The following PRKCA variants were observed in gnomAD, a reference collection of about 807,000 sequenced individuals.
The protein encoded by PRKCA is protein kinase C alpha type.
In PRKCA, 27 loss-of-function variants were observed where a neutral mutation model predicts 87.0. That is an observed-to-expected ratio of 0.31 (90% CI 0.23 to 0.43). The LOEUF (loss-of-function observed/expected upper bound fraction) is 0.43, where lower values mean the gene tolerates loss of function less well. Ranked by LOEUF, PRKCA falls within the 20% of genes least tolerant of loss-of-function variation. The probability of loss-of-function intolerance (pLI) is 1.00; values close to 1 mark genes in which losing one functional copy is unlikely to be tolerated. For synonymous variants in PRKCA, 329 were observed against 311.1 expected (o/e 1.06, Z -0.61); for missense variants, 518 against 852.3 (o/e 0.61, Z 4.88).
intron 16 of PRKCA, among the ~76,000 whole-genome samples, chr17:66,800,657 T>C (rs972124588): frequency 2.0e-5 from 3 of 152,222 alleles, no homozygotes; most frequent in African/African-American, 7.2e-5. Flanking sequence ...TGGACGATGA[T>C]TCATGAATGC....
chr17:66,531,267 G>T (rs907834404), intron 3 of PRKCA, among the ~76,000 whole-genome samples: 1 of 152,232 alleles, frequency 6.6e-6, no homozygotes, highest in African/African-American at 2.4e-5. Flanking sequence ...GGGTTCTGCA[G>T]CCTTGGAGCC....
At chr17:66,374,893 A>C (rs772853718) in intron 2 of PRKCA, among the ~76,000 whole-genome samples, 1 of 151,556 alleles carries the variant, frequency 6.6e-6, no homozygotes, top group South Asian at 2.1e-4. Context: ...ATGCCTGGCC[A>C]ATTTTTTATT....
At chr17:66,478,379 C>T (rs1420388410) in intron 2 of PRKCA, among the ~76,000 whole-genome samples, 5 of 152,070 alleles carry the variant, frequency 3.3e-5, no homozygotes, top group African/African-American at 7.2e-5. Context: ...CTCAGCCTCC[C>T]GAGTTGCTGA....
intron 8 of PRKCA, among the ~76,000 whole-genome samples, chr17:66,694,296 G>A (rs1031245310): frequency 6.6e-6 from 1 of 151,850 alleles, no homozygotes; most frequent in Admixed American, 6.6e-5. Context: ...GCCTGGCCAA[G>A]ATGGTGAAAC....
At chr17:66,760,561 G>A (rs1974659759) in intron 13 of PRKCA, among the ~76,000 whole-genome samples, 1 of 152,120 alleles carries the variant, frequency 6.6e-6, no homozygotes, top group South Asian at 2.1e-4. Context: ...AGAAGCCAAT[G>A]AAATAGAAAA....
chr17:66,771,318 A>T (rs1387395818), intron 13 of PRKCA, among the ~76,000 whole-genome samples: 1 of 152,172 alleles, frequency 6.6e-6, no homozygotes, highest in Non-Finnish European at 1.5e-5. Context: ...AATGTGTCTT[A>T]AAAAGTTTTA....
chr17:66,553,413 C>T (rs1968402212), intron 3 of PRKCA, among the ~76,000 whole-genome samples: 2 of 152,084 alleles, frequency 1.3e-5, no homozygotes, highest in African/African-American at 2.4e-5. Flanking sequence ...TTGTGTGTTC[C>T]CTGAGCTCTC....
At chr17:66,563,187 TAACAAA>T (rs1968770160) in intron 3 of PRKCA, among the ~76,000 whole-genome samples, 1 of 152,170 alleles carries the variant, frequency 6.6e-6, no homozygotes, top group African/African-American at 2.4e-5. Context: ...GCAATATTAT[TAACAAA>T]AGTCCATGGT....
chr17:66,587,317 AT>A (rs1299995170), intron 3 of PRKCA, among the ~76,000 whole-genome samples: 1 of 152,190 alleles, frequency 6.6e-6, no homozygotes, highest in Non-Finnish European at 1.5e-5. Context: ...CTTTTTCAGC[AT>A]GTGCAAATCT....
chr17:66,802,226 G>GA (rs1249102232), intron 16 of PRKCA, among the ~76,000 whole-genome samples: 3 of 150,314 alleles, frequency 2.0e-5, no homozygotes, highest in South Asian at 2.1e-4. Context: ...TCTCAAAAAA[G>GA]AAAAAAAAAT....
intron 2 of PRKCA, among the ~76,000 whole-genome samples, chr17:66,472,926 A>G (rs574818330): frequency 6.6e-6 from 1 of 152,270 alleles, no homozygotes; most frequent in East Asian, 1.9e-4. Context: ...TCTCTGCCAG[A>G]CTTTAGTCAG....
intron 3 of PRKCA, among the ~76,000 whole-genome samples, chr17:66,630,267 G>A (rs74352723): frequency 0.041 from 6,302 of 152,254 alleles, 162 homozygotes; most frequent in East Asian, 0.11. Flanking sequence ...ACAAAAACAT[G>A]ATTTAAGTAT....
intron 3 of PRKCA, among the ~76,000 whole-genome samples, chr17:66,582,435 G>A (rs1000973945): frequency 4.6e-5 from 7 of 152,100 alleles, no homozygotes; most frequent in Admixed American, 2.6e-4. Context: ...GAATCATGGG[G>A]GCGGTTCCCC....
chr17:66,748,655 G>A (rs1484916132), intron 13 of PRKCA, among the ~76,000 whole-genome samples: 1 of 152,166 alleles, frequency 6.6e-6, no homozygotes, highest in Non-Finnish European at 1.5e-5. Flanking sequence ...GGGATGGGGT[G>A]AGCGTGAGCA....
At chr17:66,735,465 A>C in intron 9 of PRKCA, 24 bp from the exon 10 acceptor site, 1 of 1,614,046 alleles carries the variant, frequency 6.2e-7, no homozygotes, top group Non-Finnish European at 8.5e-7. Context: ...ACAAGTGTTC[A>C]GGTTGTTCTT....
At chr17:66,790,111 C>T (rs1276592674) in intron 16 of PRKCA, among the ~76,000 whole-genome samples, 1 of 152,192 alleles carries the variant, frequency 6.6e-6, no homozygotes, top group Non-Finnish European at 1.5e-5. Flanking sequence ...ACAGGTGCCC[C>T]ATGAGCAGGC....
In PRKCA at chr17:66,773,984, C is replaced by T. The variant is rs1357917300; in HGVS notation, c.1525-3C>T. 2 of 1,613,884 alleles carry T rather than the reference C, an allele frequency of 1.2e-6. No homozygotes were observed. The highest frequency in any genetic ancestry group is 1.1e-5 in the South Asian group (1 of 91,076). ...TGTAATTGATGTGTTTGTTTTCACA[C>T]AGATAATCGCTTATCAGCCGTATGG... On this transcript the variant is annotated splice_region_variant and splice_polypyrimidine_tract_variant and intron_variant, in intron 13 of 16. Transcript: ENST00000413366.
intron 2 of PRKCA, among the ~76,000 whole-genome samples, chr17:66,391,802 C>G (rs1910371537): frequency 6.6e-6 from 1 of 152,196 alleles, no homozygotes; most frequent in Non-Finnish European, 1.5e-5. Context: ...CACACCCACT[C>G]TGTCTATCTC....
intron 2 of PRKCA, among the ~76,000 whole-genome samples, chr17:66,427,984 C>T (rs1912903016): frequency 6.6e-6 from 1 of 152,180 alleles, no homozygotes; most frequent in South Asian, 2.1e-4. Context: ...TGTGATTCCT[C>T]CTCCTGACCT....
Sources: gnomAD v4.1 joint callset for allele counts (sites outside exome capture counted in the v4.1 genomes callset) on GRCh38, gnomAD v4.1.1 for gene constraint, MANE v1.5 for transcripts, NCBI Gene and HGNC (gene_info 2026-07-23, HGNC 2026-07-21) for gene names.